GRIA4: variants seen among roughly 807,000 people sequenced by gnomAD.
GRIA4 encodes the protein glutamate receptor 4.
Under a neutral mutation model 104.0 loss-of-function variants are expected in GRIA4, and 34 were observed. The observed-to-expected ratio is 0.33, with a 90% CI of 0.25 to 0.44. The LOEUF (loss-of-function observed/expected upper bound fraction) is 0.44, where lower values mean the gene tolerates loss of function less well. Ranked by LOEUF, GRIA4 falls within the 20% of genes least tolerant of loss-of-function variation. The probability of loss-of-function intolerance (pLI) is 1.00; values close to 1 mark genes in which losing one functional copy is unlikely to be tolerated. For synonymous variants in GRIA4, 386 were observed against 381.9 expected, an observed-to-expected ratio of 1.01 and a Z score of -0.13; for missense variants, 750 against 1,096.5, an observed-to-expected ratio of 0.68 and a Z score of 4.46.
chr11:105,653,653 C>T (rs1190415420), intron 3 of GRIA4, among the ~76,000 whole-genome samples: 2 of 151,990 alleles, frequency 1.3e-5, no homozygotes, highest in African/African-American at 4.8e-5. Flanking sequence ...TTAGGGTGAA[C>T]GTGAGCGAGT....
intron 3 of GRIA4, among the ~76,000 whole-genome samples, chr11:105,647,602 A>G (rs1244840969): frequency 6.6e-6 from 1 of 152,144 alleles, no homozygotes; most frequent in Non-Finnish European, 1.5e-5. Context: ...ACCATGGAAA[A>G]CTATACAGCC....
chr11:105,627,883 C>T (rs1565413848), intron 3 of GRIA4, among the ~76,000 whole-genome samples: 1 of 152,162 alleles, frequency 6.6e-6, no homozygotes, highest in East Asian at 1.9e-4. Flanking sequence ...AAATATCAAG[C>T]ATCCGCCGCC....
In GRIA4 at chr11:105,753,104, C is replaced by T. The variant is rs780470450; in HGVS notation, c.371C>T (p.Thr124Ile). The T allele has an allele frequency of 2.0e-5, 32 of 1,613,696 alleles. No homozygotes were observed. Among genetic ancestry groups the T allele is most frequent in the Admixed American group, 5.0e-5 (3 of 59,970 alleles). ...TCCCTCATCACACCAAGTTTCCCTA[C>T]TGAGGGGGAGAGCCAGTTTGTGCTG... ...HISLITPSFPTEGESQFVLQL... is the reference protein window; with the variant it reads ...HISLITPSFPIEGESQFVLQL... Residue 124 changes from threonine to isoleucine, a missense_variant, in exon 4 of 17, where the codon ACT (threonine) becomes ATT (isoleucine). Physicochemically the swap from Thr to Ile is moderately conservative, Grantham distance 89. This residue lies in a region of GRIA4 where 410 missense variants were observed against 502.7 expected (regional missense o/e 0.82). Coordinates refer to ENST00000282499, the MANE Select transcript of GRIA4 (RefSeq NM_000829.4).
chr11:105,867,532 A>G (rs557210088), intron 5 of GRIA4, among the ~76,000 whole-genome samples: 63 of 152,320 alleles, frequency 4.1e-4, no homozygotes, highest in Admixed American at 1.8e-3. Flanking sequence ...ACTCCCAAAA[A>G]GTCTCTATAT....
At chr11:105,956,305 G>GGGAACATTGTGATGTTCCCTACAA (rs1237424211) in intron 14 of GRIA4, among the ~76,000 whole-genome samples, 3 of 151,968 alleles carry the variant, frequency 2.0e-5, no homozygotes, top group African/African-American at 7.3e-5. Context: ...TCCCTACACT[G>GGGAACATTGTGATGTTCCCTACAA]TGTCAAAGTG....
intron 9 of GRIA4, among the ~76,000 whole-genome samples, chr11:105,907,428 C>A (rs543083492): frequency 2.1e-4 from 32 of 152,308 alleles, no homozygotes; most frequent in African/African-American, 7.5e-4. Flanking sequence ...GGCAATGTGT[C>A]TGAGAAGTGA....
chr11:105,973,788 A>G (rs505829), intron 15 of GRIA4, among the ~76,000 whole-genome samples: 98,201 of 151,968 alleles, frequency 0.65, 31,778 homozygotes, highest in Middle Eastern at 0.72. Flanking sequence ...TGGTAAATTA[A>G]TGATGAACAA....
chr11:105,976,652 T>C (rs1329454638), intron 16 of GRIA4, among the ~76,000 whole-genome samples: 1 of 152,004 alleles, frequency 6.6e-6, no homozygotes, highest in African/African-American at 2.4e-5. Context: ...TGGAAATGAT[T>C]GGTAATTCAA....
intron 5 of GRIA4, among the ~76,000 whole-genome samples, chr11:105,882,720 C>G (rs1037661531): frequency 1.3e-4 from 20 of 152,104 alleles, no homozygotes; most frequent in African/African-American, 4.8e-4. Flanking sequence ...TAATAAACAC[C>G]CTTGTAACAG....
At chr11:105,789,812 A>G (rs1942135598) in intron 4 of GRIA4, among the ~76,000 whole-genome samples, 1 of 152,198 alleles carries the variant, frequency 6.6e-6, no homozygotes, top group Admixed American at 6.6e-5. Context: ...ATGTCTTTAA[A>G]TTCATTATTG....
intron 6 of GRIA4, among the ~76,000 whole-genome samples, chr11:105,896,843 T>C (rs1267656828): frequency 2.0e-5 from 3 of 152,162 alleles, no homozygotes; most frequent in South Asian, 2.1e-4. Context: ...TCAGAAAATG[T>C]GATGCCTCTG....
intron 16 of GRIA4, among the ~76,000 whole-genome samples, chr11:105,979,034 T>C (rs1859138430): frequency 6.6e-6 from 1 of 152,180 alleles, no homozygotes; most frequent in Non-Finnish European, 1.5e-5. Flanking sequence ...ATGTCACTAA[T>C]TGTGCTGTTC....
At chr11:105,815,553 T>C (rs1943341883) in intron 4 of GRIA4, among the ~76,000 whole-genome samples, 2 of 152,104 alleles carry the variant, frequency 1.3e-5, no homozygotes, top group East Asian at 1.9e-4. Flanking sequence ...TTCTGAGTCT[T>C]TTATGCTGCC....
chr11:105,954,910 T>TTATCTATATATATATATATATATA (rs1948545484), intron 14 of GRIA4, among the ~76,000 whole-genome samples: 1 of 45,734 alleles, frequency 2.2e-5, no homozygotes, highest in Non-Finnish European at 4.3e-5. Context: ...TGCTTTCAAT[T>TTATCTATATATATATATATATATA]TATATATATA....
At position 105,924,708 on chromosome 11, in the gene GRIA4, T is replaced by C; in HGVS notation, c.1786T>C (p.Phe596Leu). 1 of 1,612,536 alleles carries C rather than the reference T, an allele frequency of 6.2e-7. No homozygotes were observed. Residue 596 changes from phenylalanine to leucine, a missense_variant, in exon 12 of 17, where the codon TTT (phenylalanine) becomes CTT (leucine). This residue lies in a region of GRIA4 where 272 missense variants were observed against 524.5 expected (regional missense o/e 0.52). Coordinates refer to ENST00000282499, the MANE Select transcript of GRIA4 (RefSeq NM_000829.4). The part of the protein sequence containing the change: ...SDQPPNEFGI[F>L]NSLWFSLGAF... ...CCAGCCTCCCAATGAGTTTGGCATC[T>C]TTAACAGCCTCTGGTTTTCCCTGGG...
At chr11:105,657,352 G>A (rs1009930813) in intron 3 of GRIA4, among the ~76,000 whole-genome samples, 1 of 151,716 alleles carries the variant, frequency 6.6e-6, no homozygotes, top group Non-Finnish European at 1.5e-5. Flanking sequence ...AACACCACCT[G>A]TTCCCCAAAA....
At chr11:105,854,196 G>A (rs753240783) in intron 4 of GRIA4, among the ~76,000 whole-genome samples, 7 of 152,128 alleles carry the variant, frequency 4.6e-5, no homozygotes, top group Non-Finnish European at 8.8e-5. Context: ...ATATTAGGTG[G>A]TGGTGAAGTG....
intron 4 of GRIA4, among the ~76,000 whole-genome samples, chr11:105,832,003 G>A (rs754249686): frequency 2.0e-5 from 3 of 151,976 alleles, no homozygotes; most frequent in South Asian, 2.1e-4. Flanking sequence ...TGGATTGGAG[G>A]GGCCTGTGCA....
intron 14 of GRIA4, among the ~76,000 whole-genome samples, chr11:105,970,043 G>T (rs920133222): frequency 6.6e-6 from 1 of 151,938 alleles, no homozygotes; most frequent in Non-Finnish European, 1.5e-5. Flanking sequence ...TAGATTAACT[G>T]GGTTTAAAAT....
Sources: allele counts gnomAD v4.1 joint callset (sites outside exome capture counted in the v4.1 genomes callset), GRCh38; gene constraint gnomAD v4.1.1; regional missense constraint gnomAD v4.1.1; transcripts MANE v1.5; gene names NCBI Gene and HGNC (gene_info 2026-07-23, HGNC 2026-07-21).